Variants in DCHS1 observed in about 807,000 individuals in gnomAD.
The protein encoded by DCHS1 is dachsous cadherin-related 1, also known as protocadherin-16.
A neutral mutation model predicts 213.9 loss-of-function variants in DCHS1; 78 were observed. The observed-to-expected ratio is 0.36, with a 90% confidence interval of 0.30 to 0.44. The LOEUF is 0.44. Among genes scored for constraint, DCHS1 ranks in the 20% least tolerant of loss-of-function variants. The pLI, the probability that DCHS1 is intolerant of heterozygous loss-of-function variation, is 1.00. For missense variants in DCHS1, 3,946 were observed against 4,395.9 expected (o/e 0.90, Z 2.89); for synonymous variants, 1,828 against 1,873.7 (o/e 0.98, Z 0.63).
Position 6,641,715 on chromosome 11 carries a change from C to A in DCHS1, c.-102G>T. Reference sequence around the variant, plus strand: ...GTCAGGTCCCACTGGGGCCCTGGCTCCAGCTCAGGCTCCCTGACCTGGGAG... The same window carrying A: ...GTCAGGTCCCACTGGGGCCCTGGCTACAGCTCAGGCTCCCTGACCTGGGAG... On this transcript the variant is annotated 5_prime_UTR_variant, in exon 2 of 21. Transcript: ENST00000299441. This position sits in a 1 kb window ranked among gnomAD's most constrained non-coding sequence, Gnocchi z 7.1. 1 of 1,445,678 alleles carries A rather than the reference C, an allele frequency of 6.9e-7. No individual in the cohort carries two copies. Among genetic ancestry groups the A allele is most frequent in the South Asian group, 1.5e-5 (1 of 67,700 alleles). The allele number at this position is 1,445,678 out of a possible 1,614,324, so 89.6% of individuals were successfully genotyped here.
In DCHS1 at chr11:6,623,921, G is replaced by A. The variant is rs755092582; in HGVS notation, c.7755C>T (p.Val2585=). The change falls in exon 21 of 21, where the codon GTC becomes GTT. Residue 2585 remains valine, a synonymous_variant. Transcript: ENST00000299441. ...ADRGQPPQSS[V]VPVTVTVLDV... ...CTAGTACAGTGACAGTGACTGGCACGACTGAGCTTTGGGGTGGCTGCCCAC... is the reference window on the plus strand; with the variant it reads ...CTAGTACAGTGACAGTGACTGGCACAACTGAGCTTTGGGGTGGCTGCCCAC... 29 of 1,608,076 alleles carry A rather than the reference G, an allele frequency of 1.8e-5. No homozygotes were observed. Among genetic ancestry groups the A allele is most frequent in the Middle Eastern group, 1.6e-4 (1 of 6,074 alleles).
rs773714208 is a variant in DCHS1 at position 6,625,368 on chromosome 11, G to A, written c.6976C>T (p.Arg2326Cys). ...SGPQDPFSVG[R>C]YGGRVSLTGP... ...GTGAGGGAGACACGGCCTCCATAGC[G>A]GCCAACACTGAAGGGATCCTGGGGC... Residue 2326 changes from arginine (R) to cysteine (C), a missense_variant, in exon 19 of 21, where the codon CGC (arginine) becomes TGC (cysteine). Transcript: ENST00000299441. The surrounding 1 kb of genome is among the most constrained non-coding windows in gnomAD (Gnocchi z 5.3). 23 of 1,613,240 alleles carry A rather than the reference G, an allele frequency of 1.4e-5. No homozygotes were observed. The highest frequency in any genetic ancestry group is 4.5e-5 in the East Asian group (2 of 44,888).
intron 1 of DCHS1, among the ~76,000 whole-genome samples, chr11:6,648,087 G>T (rs1289153887): frequency 6.6e-6 from 1 of 152,194 alleles, no homozygotes; most frequent in African/African-American, 2.4e-5. Flanking sequence ...CATTTTGGGG[G>T]GTGACTGTTG....
rs780679282 is a variant in DCHS1 at position 6,631,341 on chromosome 11, C to T, written c.3742G>A (p.Glu1248Lys). ...TLQAKDPDEGENGTILYTLTG... is the reference protein window; with the variant it reads ...TLQAKDPDEGKNGTILYTLTG... ...AGCGTGTACAAGATGGTCCCATTCTCCCCCTCATCTGGATCCTTCGCCTGC... is the reference window on the plus strand; with the variant it reads ...AGCGTGTACAAGATGGTCCCATTCTTCCCCTCATCTGGATCCTTCGCCTGC... The change falls in exon 8 of 21, where the codon GAG becomes AAG. Residue 1248 changes from glutamate to lysine, a missense_variant. Glu to Lys is a moderately conservative substitution (Grantham distance 56). Coordinates refer to ENST00000299441, the MANE Select transcript of DCHS1 (RefSeq NM_003737.4). 1.3e-5 allele frequency: 21 copies of T among 1,613,876 alleles called. No individual in the cohort carries two copies. Among genetic ancestry groups the T allele is most frequent in the Non-Finnish European group, 2.5e-6 (3 of 1,179,868 alleles).
At position 6,627,691 on chromosome 11, in the gene DCHS1, TA is replaced by T; in HGVS notation, c.5372-25del. The T allele has an allele frequency of 6.2e-7, 1 of 1,600,616 alleles. No individual in the cohort carries two copies. Among genetic ancestry groups the T allele is most frequent in the Non-Finnish European group, 8.5e-7 (1 of 1,171,126 alleles). On this transcript the variant is annotated intron_variant, in intron 13 of 20. Transcript: ENST00000299441. This position sits in a 1 kb window ranked among gnomAD's most constrained non-coding sequence, Gnocchi z 5.4. ...ATCTGCAGAGAAGGGCATGCACATA[TA>T]AATATACATGTGTCGTGGGGATGGG...
In DCHS1 at chr11:6,622,862, T is replaced by C; in HGVS notation, c.8814A>G (p.Val2938=). 6.3e-7 allele frequency: 1 copy of C among 1,596,588 alleles called. No homozygotes were observed. Among genetic ancestry groups the C allele is most frequent in the Non-Finnish European group, 8.5e-7 (1 of 1,171,646 alleles). ...GLAPDLNLLL[V]GAVAASLGVV... is the part of the protein sequence containing the mutation. Reference sequence around the variant, plus strand: ...CTCCCAAGGAGGCTGCCACGGCCCCTACTAATAGCAGGTTGAGGTCAGGTG... The same window carrying C: ...CTCCCAAGGAGGCTGCCACGGCCCCCACTAATAGCAGGTTGAGGTCAGGTG... The change falls in exon 21 of 21, where the codon GTA becomes GTG. Residue 2938 remains valine (V), a synonymous_variant. Coordinates refer to ENST00000299441, the MANE Select transcript of DCHS1 (RefSeq NM_003737.4). The surrounding 1 kb of genome is among the most constrained non-coding windows in gnomAD (Gnocchi z 5.4).
rs1855790343 is a variant in DCHS1, at chr11:6,625,887, A to C, written c.6731+33T>G. The C allele has an allele frequency of 1.2e-6, 2 of 1,608,286 alleles. No individual in the cohort carries two copies. The highest frequency in any genetic ancestry group is 2.7e-5 in the African/African-American group (2 of 74,894). On this transcript the variant is annotated intron_variant, in intron 17 of 20. Coordinates refer to ENST00000299441, the MANE Select transcript of DCHS1 (RefSeq NM_003737.4). This position sits in a 1 kb window ranked among gnomAD's most constrained non-coding sequence, Gnocchi z 5.3. Reference sequence around the variant, plus strand: ...GGGCTTGAAACTGGACAGGCCCAAGATGGGGTCTTGGGTCCACAGGGCCAG... The same window carrying C: ...GGGCTTGAAACTGGACAGGCCCAAGCTGGGGTCTTGGGTCCACAGGGCCAG...
chr11:6,641,879 C>G lies in DCHS1; in HGVS notation c.-120-146G>C. On this transcript the variant is annotated intron_variant, in intron 1 of 20. Coordinates refer to ENST00000299441, the MANE Select transcript of DCHS1 (RefSeq NM_003737.4). The surrounding 1 kb of genome is among the most constrained non-coding windows in gnomAD (Gnocchi z 7.1). ...CACACTCATCTTGGGCCACACGGAT[C>G]TCTGCCTCAGGACTCTTCGAGGCCA... is the stretch of plus-strand genomic sequence containing the variant. 1 of 674,062 alleles carries G rather than the reference C, an allele frequency of 1.5e-6. No individual in the cohort carries two copies. The highest frequency in any genetic ancestry group is 2.3e-6 in the Non-Finnish European group (1 of 433,480). The allele number at this position is 674,062 out of a possible 1,614,324, so 41.8% of individuals were successfully genotyped here.
In DCHS1 at chr11:6,655,807, G is replaced by T. The variant is rs1856308853; in HGVS notation, c.-365C>A. ...CCGCCCCGCCGAGGATGCGAGCTCC[G>T]CTGCCGCGGCCCCGCGCCCCCTCCC... On this transcript the variant is annotated 5_prime_UTR_variant, in exon 1 of 21. Coordinates refer to ENST00000299441, the MANE Select transcript of DCHS1 (RefSeq NM_003737.4). 5.8e-5 allele frequency: 52 copies of T among 890,588 alleles called. No homozygotes were observed. Among genetic ancestry groups the T allele is most frequent in the Non-Finnish European group, 6.8e-5 (52 of 765,896 alleles). 55.2% of individuals were successfully genotyped at this position (890,588 alleles called of 1,614,324 possible). A position where few individuals can be genotyped will look rare whatever the true frequency, so the allele number is the denominator to read the frequency against.
At position 6,629,481 on chromosome 11, in the gene DCHS1, C is replaced by G. The variant is rs1466443387; in HGVS notation, c.5132G>C (p.Arg1711Pro). The change falls in exon 12 of 21, where the codon CGA (arginine) becomes CCA (proline). Residue 1711 changes from arginine (R) to proline (P), a missense_variant. Coordinates refer to ENST00000299441, the MANE Select transcript of DCHS1 (RefSeq NM_003737.4). ...GVLTTLRALD[R>P]EEQEEINLTV... The stretch of plus-strand genomic sequence containing the variant: ...CAGGTTGATCTCCTCCTGTTCCTCT[C>G]GATCCAGGGCCCGAAGAGTCGTGAG... 27 of 1,612,860 alleles carry G rather than the reference C, an allele frequency of 1.7e-5. No individual in the cohort carries two copies. The highest frequency in any genetic ancestry group is 2.3e-5 in the Non-Finnish European group (27 of 1,179,480).
At chr11:6,652,262 TC>T (rs1341437103) in intron 1 of DCHS1, among the ~76,000 whole-genome samples, 2 of 151,846 alleles carry the variant, frequency 1.3e-5, no homozygotes, top group Admixed American at 1.3e-4. Flanking sequence ...TAATGTCAGC[TC>T]CTCCCGAGAG....
chr11:6,653,079 T>C (rs918997532), intron 1 of DCHS1, among the ~76,000 whole-genome samples: 3 of 152,190 alleles, frequency 2.0e-5, no homozygotes, highest in Non-Finnish European at 4.4e-5. Flanking sequence ...TCCATTATTC[T>C]TGGGTTAAAT....
chr11:6,647,774 G>A (rs943280489), intron 1 of DCHS1, among the ~76,000 whole-genome samples: 2 of 152,180 alleles, frequency 1.3e-5, no homozygotes, highest in African/African-American at 4.8e-5. Context: ...AGAGAAAGAT[G>A]GAGAGAATAA....
At position 6,631,677 on chromosome 11, in the gene DCHS1, T is replaced by A; in HGVS notation, c.3614A>T (p.Asn1205Ile). 1 of 1,608,932 alleles carries A rather than the reference T, an allele frequency of 6.2e-7. No homozygotes were observed. The highest frequency in any genetic ancestry group is 8.5e-7 in the Non-Finnish European group (1 of 1,177,434). ...GTVHVAVLDL[N>I]DNSPTFLQAS... ...CTGCAGGAACGTGGGGCTGTTGTCG[T>A]TGAGGTCAAGCACTGCAACATGCAC... The change falls in exon 7 of 21, where the codon AAC becomes ATC. Residue 1205 changes from asparagine to isoleucine, a missense_variant. By Grantham distance (149) the Asn-to-Ile change is moderately radical. Transcript: ENST00000299441.
intron 1 of DCHS1, among the ~76,000 whole-genome samples, chr11:6,646,788 A>G (rs1856162699): frequency 6.6e-6 from 1 of 152,048 alleles, no homozygotes; most frequent in South Asian, 2.1e-4. Context: ...AAGACTGTTC[A>G]TTGGGGCCTG....
At chr11:6,652,017 G>A (rs150197763) in intron 1 of DCHS1, among the ~76,000 whole-genome samples, 136 of 152,300 alleles carry the variant, frequency 8.9e-4, no homozygotes, top group Middle Eastern at 3.4e-3. Context: ...ACCTAGAGGT[G>A]TGTATACAGT....
Position 6,630,131 on chromosome 11 carries a change from G to C in DCHS1, c.4663C>G (p.Pro1555Ala). Residue 1555 changes from proline to alanine, a missense_variant, in exon 10 of 21, where the codon CCA (proline) becomes GCA (alanine). Pro to Ala is a conservative substitution (Grantham distance 27). Transcript: ENST00000299441. ...VFASPSRVRL[P>A]EDQPPGPAAL... ...GCGGGCCCAGGCGGCTGGTCCTCTG[G>C]GAGGCGCACGCGTGACGGCGAGGCG... 1 of 1,605,608 alleles carries C rather than the reference G, an allele frequency of 6.2e-7. No individual in the cohort carries two copies. The highest frequency in any genetic ancestry group is 8.5e-7 in the Non-Finnish European group (1 of 1,175,398).
chr11:6,625,262 T>A lies in DCHS1; in HGVS notation c.7082A>T (p.Asn2361Ile), dbSNP rs775867775. 3.1e-6 allele frequency: 5 copies of A among 1,612,750 alleles called. No individual in the cohort carries two copies. Among genetic ancestry groups the A allele is most frequent in the Non-Finnish European group, 3.4e-6 (4 of 1,179,466 alleles). ...GACATCCTCCACAAGCACTGTGAGG[T>A]TGGCACGGCCCTCATGAGGCCCATC... ...AHDGPHEGRANLTVLVEDVND... is the reference protein window; with the variant it reads ...AHDGPHEGRAILTVLVEDVND... The change falls in exon 19 of 21, where the codon AAC becomes ATC. Residue 2361 changes from asparagine (N) to isoleucine (I), a missense_variant. Around this residue, in one of 3 missense-constraint regions of DCHS1, gnomAD observed 3,384 missense variants for 3,780.1 expected, o/e 0.90. Coordinates refer to ENST00000299441, the MANE Select transcript of DCHS1 (RefSeq NM_003737.4). The surrounding 1 kb of genome is among the most constrained non-coding windows in gnomAD (Gnocchi z 5.3).
chr11:6,626,945 G>A lies in DCHS1; in HGVS notation c.6094C>T (p.Arg2032Ter), dbSNP rs770888054. Residue 2032 changes from arginine to a stop codon, truncating the protein, a stop_gained, in exon 14 of 21, where the codon CGA becomes TGA. Transcript: ENST00000299441. LOFTEE classifies it high-confidence loss of function. This position sits in a 1 kb window ranked among gnomAD's most constrained non-coding sequence, Gnocchi z 5.2. ...GCCACAATGAAGAGGACACGATCTCGGGGGCCTAGAGCTACAGGAGAGCGG... is the reference window on the plus strand; with the variant it reads ...GCCACAATGAAGAGGACACGATCTCAGGGGCCTAGAGCTACAGGAGAGCGG... Reference protein sequence around the residue: ...VARSPVALGPRDRVLFIVATD... With the variant: ...VARSPVALGP The A allele has an allele frequency of 1.2e-6, 2 of 1,613,604 alleles. No homozygotes were observed. The highest frequency in any genetic ancestry group is 1.3e-5 in the African/African-American group (1 of 74,922).
Sources: gnomAD v4.1 joint callset for allele counts (sites outside exome capture counted in the v4.1 genomes callset) on GRCh38, gnomAD v4.1.1 for gene constraint, gnomAD v4.1.1 regional missense constraint, Gnocchi (gnomAD v3.1) non-coding constraint, MANE v1.5 for transcripts, NCBI Gene and HGNC (gene_info 2026-07-23, HGNC 2026-07-21) for gene names.